PPP2R3A: variants seen among roughly 807,000 people sequenced by gnomAD.
PPP2R3A encodes the protein serine/threonine-protein phosphatase 2A regulatory subunit B'' subunit alpha.
PPP2R3A carries 80 observed loss-of-function variants against 106.9 expected under a neutral mutation model. The observed-to-expected ratio is 0.75, with a 90% CI of 0.62 to 0.90. PPP2R3A has a LOEUF of 0.90. PPP2R3A is among the 40% of genes least tolerant of loss of function. The pLI, the probability that PPP2R3A is intolerant of heterozygous loss-of-function variation, is 0.00. For synonymous variants in PPP2R3A, 483 were observed against 468.3 expected (o/e 1.03, Z -0.41); for missense variants, 1,386 against 1,350.4 (o/e 1.03, Z -0.41).
At chr3:136,013,736 T>C (rs547164513) in intron 2 of PPP2R3A, among the ~76,000 whole-genome samples, 8 of 152,152 alleles carry the variant, frequency 5.3e-5, no homozygotes, top group Non-Finnish European at 1.0e-4. Flanking sequence ...TTTTGAGTTC[T>C]GTGTAGATTC....
chr3:135,987,352 C>A (rs563386370), intron 1 of PPP2R3A, among the ~76,000 whole-genome samples: 129 of 152,190 alleles, frequency 8.5e-4, no homozygotes, highest in Non-Finnish European at 8.5e-4. Context: ...TATGAAGAGG[C>A]CAGATGACAC....
intron 3 of PPP2R3A, among the ~76,000 whole-genome samples, chr3:136,035,919 T>A (rs1038988796): frequency 6.6e-6 from 1 of 151,916 alleles, no homozygotes; most frequent in Middle Eastern, 3.2e-3. Context: ...TTGTTCATAT[T>A]TTCTTTTTTT....
At position 136,001,885 on chromosome 3, in the gene PPP2R3A, T is replaced by C. The variant is rs1933637503; in HGVS notation, c.387T>C (p.Phe129=). The C allele has an allele frequency of 6.2e-7, 1 of 1,614,016 alleles. No homozygotes were observed. The highest frequency in any genetic ancestry group is 1.3e-5 in the African/African-American group (1 of 74,940). ...FASGKIKEFS[F]EKLKNSNHAA... ...GTGGGAAAATAAAAGAATTTTCCTT[T>C]GAAAAACTCAAAAACTCTAACCATG... Residue 129 remains phenylalanine, a synonymous_variant, in exon 2 of 14, where the codon TTT becomes TTC. Coordinates refer to ENST00000264977, the MANE Select transcript of PPP2R3A (RefSeq NM_002718.5).
intron 8 of PPP2R3A, among the ~76,000 whole-genome samples, chr3:136,084,608 T>C (rs1404372241): frequency 6.6e-6 from 1 of 152,090 alleles, no homozygotes; most frequent in Non-Finnish European, 1.5e-5. Context: ...GATCCACCAA[T>C]AGTTTGCACC....
At chr3:136,139,179 T>G (rs1420697670) in intron 13 of PPP2R3A, among the ~76,000 whole-genome samples, 2 of 152,124 alleles carry the variant, frequency 1.3e-5, no homozygotes, top group Non-Finnish European at 2.9e-5. Context: ...CTGCATACAA[T>G]CCTTTGTCAA....
At chr3:135,993,718 A>T (rs921872112) in intron 1 of PPP2R3A, among the ~76,000 whole-genome samples, 4 of 152,262 alleles carry the variant, frequency 2.6e-5, no homozygotes, top group African/African-American at 9.6e-5. Flanking sequence ...TAGACAAAAC[A>T]AATTCTGGTA....
At chr3:136,130,845 A>G (rs1001940895) in intron 13 of PPP2R3A, among the ~76,000 whole-genome samples, 27 of 152,342 alleles carry the variant, frequency 1.8e-4, no homozygotes, top group Non-Finnish European at 3.1e-4. Flanking sequence ...GTCCTCAGAA[A>G]TAACACCACA....
intron 6 of PPP2R3A, 116 bp from the exon 7 acceptor site, chr3:136,078,251 C>T: frequency 2.8e-6 from 2 of 716,102 alleles, no homozygotes; most frequent in Non-Finnish European, 2.4e-6. Flanking sequence ...TTACACTTAA[C>T]ATAATCAAAA....
chr3:135,988,020 A>G (rs753600858), intron 1 of PPP2R3A, among the ~76,000 whole-genome samples: 10 of 152,008 alleles, frequency 6.6e-5, no homozygotes, highest in South Asian at 2.1e-4. Context: ...CCAAATTTCT[A>G]TCAACCCGGA....
intron 8 of PPP2R3A, among the ~76,000 whole-genome samples, chr3:136,087,245 G>GTGTCTCTC (rs1403359444): frequency 1.3e-5 from 1 of 75,078 alleles, no homozygotes; most frequent in Non-Finnish European, 2.5e-5. Context: ...CTCTAGTCGT[G>GTGTCTCTC]TCTCTCTCTC....
intron 5 of PPP2R3A, among the ~76,000 whole-genome samples, chr3:136,069,332 T>A (rs747211783): frequency 6.6e-6 from 1 of 152,146 alleles, no homozygotes; most frequent in Non-Finnish European, 1.5e-5. Flanking sequence ...ATCCCAGCAC[T>A]TTGGGAGGCC....
intron 2 of PPP2R3A, among the ~76,000 whole-genome samples, chr3:136,017,929 C>T (rs1262143725): frequency 1.3e-5 from 2 of 152,232 alleles, no homozygotes; most frequent in Non-Finnish European, 2.9e-5. Context: ...TCCATAACCA[C>T]ATTCAGCTGA....
At chr3:136,029,248 G>A (rs376327509) in intron 3 of PPP2R3A, among the ~76,000 whole-genome samples, 3 of 152,294 alleles carry the variant, frequency 2.0e-5, no homozygotes, top group South Asian at 4.1e-4. Flanking sequence ...TAGTTCCCTG[G>A]TACAGTGCTG....
At chr3:136,111,674 A>G (rs1473054816) in intron 13 of PPP2R3A, among the ~76,000 whole-genome samples, 1 of 152,100 alleles carries the variant, frequency 6.6e-6, no homozygotes, top group East Asian at 1.9e-4. Flanking sequence ...ACTACCAATC[A>G]GATAAAACCC....
At chr3:136,026,421 T>G (rs894646578) in intron 2 of PPP2R3A, among the ~76,000 whole-genome samples, 26 of 152,276 alleles carry the variant, frequency 1.7e-4, no homozygotes, top group Non-Finnish European at 3.1e-4. Flanking sequence ...AAGGAACTTG[T>G]TTTTGCCTGT....
intron 4 of PPP2R3A, among the ~76,000 whole-genome samples, chr3:136,045,828 A>T (rs1431902243): frequency 6.6e-6 from 1 of 152,126 alleles, no homozygotes; most frequent in African/African-American, 2.4e-5. Context: ...GAATTACAGC[A>T]CCAAAAAATT....
At chr3:136,110,476 G>T (rs192907247) in intron 13 of PPP2R3A, among the ~76,000 whole-genome samples, 1 of 151,988 alleles carries the variant, frequency 6.6e-6, no homozygotes, top group Non-Finnish European at 1.5e-5. Context: ...GGATACTGGC[G>T]TAAGAAATCC....
intron 13 of PPP2R3A, among the ~76,000 whole-genome samples, chr3:136,131,091 T>C (rs566793923): frequency 5.9e-5 from 9 of 152,268 alleles, no homozygotes; most frequent in African/African-American, 2.2e-4. Context: ...ATTCAGGACA[T>C]AGGCATGGGC....
At chr3:136,133,171 C>G (rs1396667572) in intron 13 of PPP2R3A, among the ~76,000 whole-genome samples, 1 of 151,944 alleles carries the variant, frequency 6.6e-6, no homozygotes, top group African/African-American at 2.4e-5. Context: ...GGACTTCCTT[C>G]AAAATTAAAA....
Sources: gnomAD v4.1 joint callset for allele counts (sites outside exome capture counted in the v4.1 genomes callset) on GRCh38, gnomAD v4.1.1 for gene constraint, MANE v1.5 for transcripts, NCBI Gene and HGNC (gene_info 2026-07-23, HGNC 2026-07-21) for gene names.